Variants in RBM27 observed in about 807,000 individuals in gnomAD.
The protein encoded by RBM27 is RNA-binding protein 27.
RBM27 carries 22 observed loss-of-function variants against 135.3 expected under a neutral mutation model. That is an observed-to-expected ratio of 0.16 (90% CI 0.12 to 0.23). The LOEUF (loss-of-function observed/expected upper bound fraction) is 0.23, where lower values mean the gene tolerates loss of function less well. Ranked by LOEUF, RBM27 falls within the 10% of genes least tolerant of loss-of-function variation. The pLI, the probability that RBM27 is intolerant of heterozygous loss-of-function variation, is 1.00. For synonymous variants in RBM27, 481 were observed against 442.4 expected (o/e 1.09, Z -1.10); for missense variants, 1,009 against 1,281.0 (o/e 0.79, Z 3.24).
intron 8 of RBM27, among the ~76,000 whole-genome samples, chr5:146,249,722 A>G: frequency 6.6e-6 from 1 of 151,854 alleles, no homozygotes; most frequent in Non-Finnish European, 1.5e-5. Flanking sequence ...AAAAAAAAGA[A>G]AAAAAGAAAA....
At chr5:146,236,600 G>A (rs1581174854) in intron 7 of RBM27, among the ~76,000 whole-genome samples, 1 of 152,108 alleles carries the variant, frequency 6.6e-6, no homozygotes, top group East Asian at 1.9e-4. Flanking sequence ...TTAAATGTGA[G>A]TATCCAAGTT....
intron 2 of RBM27, 30 bp downstream of exon 2, chr5:146,219,133 T>C (rs369219568): frequency 2.1e-5 from 30 of 1,452,638 alleles, no homozygotes; most frequent in African/African-American, 4.3e-5. Flanking sequence ...AATCGAGTAT[T>C]GAAGTAAAGA....
intron 1 of RBM27, among the ~76,000 whole-genome samples, chr5:146,216,204 A>G (rs1329687613): frequency 1.3e-5 from 2 of 152,086 alleles, no homozygotes; most frequent in African/African-American, 2.4e-5. Flanking sequence ...CCACAGGTGC[A>G]TGCCACCACA....
At chr5:146,256,989 A>G (rs1344631289) in intron 10 of RBM27, among the ~76,000 whole-genome samples, 1 of 152,252 alleles carries the variant, frequency 6.6e-6, no homozygotes, top group African/African-American at 2.4e-5. Context: ...AGAATGCTTT[A>G]TGCCATCGCA....
chr5:146,226,606 C>T (rs1391217427), intron 3 of RBM27, among the ~76,000 whole-genome samples: 1 of 152,064 alleles, frequency 6.6e-6, no homozygotes, highest in East Asian at 1.9e-4. Context: ...GTCTTGAACA[C>T]CTGACCTCAG....
intron 11 of RBM27, among the ~76,000 whole-genome samples, chr5:146,259,724 A>G (rs957784212): frequency 6.6e-6 from 1 of 151,880 alleles, no homozygotes; most frequent in South Asian, 2.1e-4. Context: ...CTGTAATCCC[A>G]GCACTTTGGG....
Position 146,261,776 on chromosome 5 carries a change from T to A in RBM27, c.2160T>A (p.Ala720=). ...AGCAGGTGCTAGTGGCCCAGTCTGCTCCTTCAACAGTGCACGGAGGTATCC... is the reference window on the plus strand; with the variant it reads ...AGCAGGTGCTAGTGGCCCAGTCTGCACCTTCAACAGTGCACGGAGGTATCC... ...HQQQVLVAQS[A]PSTVHGGIQK... is the part of the protein sequence containing the mutation. Residue 720 remains alanine, a synonymous_variant, in exon 13 of 21, where the codon GCT becomes GCA. Transcript: ENST00000265271. The A allele has an allele frequency of 6.2e-7, 1 of 1,614,188 alleles. No homozygotes were observed. Among genetic ancestry groups the A allele is most frequent in the Non-Finnish European group, 8.5e-7 (1 of 1,180,032 alleles).
At chr5:146,224,334 A>G (rs1756576184) in intron 3 of RBM27, among the ~76,000 whole-genome samples, 1 of 152,200 alleles carries the variant, frequency 6.6e-6, no homozygotes, top group Admixed American at 6.5e-5. Context: ...TTTTTATTAC[A>G]TTTATTCTGA....
chr5:146,240,198 T>TC (rs1187584604), intron 8 of RBM27, among the ~76,000 whole-genome samples: 1 of 151,250 alleles, frequency 6.6e-6, no homozygotes. Flanking sequence ...GGCTCAACTT[T>TC]CCCCCCCAAT....
rs1347217443 is a variant in RBM27, at chr5:146,258,457, A to G, written c.1603A>G (p.Ile535Val). ...ATTTTTTTTTCCAACAGCTGCTAAC[A>G]TTGTGATCCAGACTGAACCACCAGT... is the stretch of plus-strand genomic sequence containing the variant. ...DMDVNPRAAN[I>V]VIQTEPPVPV... The change falls in exon 11 of 21, where the codon ATT becomes GTT. Residue 535 changes from isoleucine (I) to valine (V), a missense_variant. Ile to Val is a conservative substitution (Grantham distance 29, BLOSUM62 3). Transcript: ENST00000265271. 3.9e-6 allele frequency: 6 copies of G among 1,555,478 alleles called. No homozygotes were observed. The highest frequency in any genetic ancestry group is 2.0e-5 in the Admixed American group (1 of 50,102).
chr5:146,210,946 CAAA>C (rs201750144), intron 1 of RBM27, among the ~76,000 whole-genome samples: 3 of 108,542 alleles, frequency 2.8e-5, no homozygotes, highest in Non-Finnish European at 3.9e-5. Context: ...GACTCCGTCT[CAAA>C]AAAAAAAAAA....
chr5:146,219,492 A>T (rs1483757183), intron 2 of RBM27, among the ~76,000 whole-genome samples: 2 of 152,160 alleles, frequency 1.3e-5, no homozygotes, highest in Non-Finnish European at 2.9e-5. Context: ...AATATCCAAG[A>T]AGAGATGTGT....
intron 19 of RBM27, among the ~76,000 whole-genome samples, chr5:146,277,705 TG>T: frequency 2.0e-5 from 3 of 150,704 alleles, no homozygotes; most frequent in African/African-American, 2.4e-5. Context: ...TTTTTTTTTT[TG>T]TATTTTTAGT....
In RBM27 at chr5:146,217,827, C is replaced by T. The variant is rs185320397; in HGVS notation, c.60-1158C>T. Among the ~76,000 whole-genome samples the T allele has an allele frequency of 2.2e-3, 333 of 152,088 alleles. 3 individuals carry two copies. Among genetic ancestry groups the T allele is most frequent in the African/African-American group, 7.5e-3 (310 of 41,478 alleles). On this transcript the variant is annotated intron_variant, in intron 1 of 20. Transcript: ENST00000265271. ...CCAGGCTGGAGTGCAGTGGTGTGAT[C>T]GGCTGACTGCAATTTCTGCCTCCCA...
At chr5:146,213,856 G>C (rs967311059) in intron 1 of RBM27, among the ~76,000 whole-genome samples, 11 of 152,144 alleles carry the variant, frequency 7.2e-5, no homozygotes, top group African/African-American at 2.7e-4. Context: ...ATAAAAATTT[G>C]TTGACTTTTA....
At chr5:146,277,251 T>G (rs2126902388) in intron 19 of RBM27, among the ~76,000 whole-genome samples, 1 of 152,322 alleles carries the variant, frequency 6.6e-6, no homozygotes, top group Non-Finnish European at 1.5e-5. Context: ...TATGAACATC[T>G]TTCTAGCACC....
At chr5:146,278,481 C>G (rs1455154663) in intron 19 of RBM27, among the ~76,000 whole-genome samples, 3 of 152,160 alleles carry the variant, frequency 2.0e-5, no homozygotes, top group Non-Finnish European at 2.9e-5. Flanking sequence ...GTTTCTCATA[C>G]ATCTGCTTAA....
At chr5:146,271,246 C>T (rs1237781574) in intron 18 of RBM27, among the ~76,000 whole-genome samples, 188 bp downstream of exon 18, 1 of 151,934 alleles carries the variant, frequency 6.6e-6, no homozygotes, top group African/African-American at 2.4e-5. Flanking sequence ...ACTAAAAATA[C>T]AAAATTAGCC....
At chr5:146,226,202 T>C (rs978337348) in intron 3 of RBM27, among the ~76,000 whole-genome samples, 2 of 151,804 alleles carry the variant, frequency 1.3e-5, no homozygotes, top group Admixed American at 6.6e-5. Flanking sequence ...TTCATAGACA[T>C]TTTTCTTTGG....
Sources: gnomAD v4.1 joint callset for allele counts (sites outside exome capture counted in the v4.1 genomes callset) on GRCh38, gnomAD v4.1.1 for gene constraint, MANE v1.5 for transcripts, NCBI Gene and HGNC (gene_info 2026-07-23, HGNC 2026-07-21) for gene names.